Variants in XPO5 observed in about 807,000 individuals in gnomAD.
XPO5 encodes the protein exportin-5.
A neutral mutation model predicts 160.6 loss-of-function variants in XPO5; 46 were observed. The ratio of observed to expected loss-of-function variants is 0.29; its 90% confidence interval spans 0.23 to 0.37. The LOEUF (loss-of-function observed/expected upper bound fraction) is 0.37, where lower values mean the gene tolerates loss of function less well. XPO5 is among the 10% of genes least tolerant of loss of function. XPO5 has a pLI of 1.00. For synonymous variants in XPO5, 537 were observed against 519.3 expected (o/e 1.03, Z -0.46); for missense variants, 1,090 against 1,463.9 (o/e 0.74, Z 4.17).
At chr6:43,532,319 C>A (rs1794036630) in intron 21 of XPO5, among the ~76,000 whole-genome samples, 1 of 152,200 alleles carries the variant, frequency 6.6e-6, no homozygotes, top group African/African-American at 2.4e-5. Flanking sequence ...AAATTAACAT[C>A]CTTCCTTTGG....
At chr6:43,562,035 T>C in intron 9 of XPO5, 1 of 413,128 alleles carries the variant, frequency 2.4e-6, no homozygotes. Flanking sequence ...TATCTGACGT[T>C]GGTATAACTA....
intron 21 of XPO5, among the ~76,000 whole-genome samples, chr6:43,531,943 G>C (rs1794013806): frequency 1.3e-5 from 2 of 152,126 alleles, no homozygotes; most frequent in African/African-American, 4.8e-5. Context: ...AAGATGTGTA[G>C]CAGCTAAAAA....
intron 27 of XPO5, 132 bp from the exon 28 acceptor site, chr6:43,526,053 G>A: frequency 2.2e-6 from 2 of 903,880 alleles, no homozygotes; most frequent in Non-Finnish European, 3.4e-6. Context: ...AGTACTAGGA[G>A]CCCTCCCACC....
chr6:43,549,498 C>G lies in XPO5; in HGVS notation c.1851G>C (p.Gln617His). Residue 617 changes from glutamine to histidine, a missense_variant, in exon 17 of 32, where the codon CAG becomes CAC. Around this residue, in one of 3 missense-constraint regions of XPO5, gnomAD observed 810 missense variants for 1,139.0 expected, o/e 0.71. Coordinates refer to ENST00000265351, the MANE Select transcript of XPO5 (RefSeq NM_020750.3). ...GGGTCCAGCAGCTTACCAGCACAAG[C>G]TGGGGGTAGTCACGACACATCTTGA... ...SIIKMCRDYP[Q>H]LVLPNFDMLY... 6.2e-7 allele frequency: 1 copy of G among 1,611,374 alleles called. No homozygotes were observed. Among genetic ancestry groups the G allele is most frequent in the Middle Eastern group, 1.8e-4 (1 of 5,526 alleles).
intron 10 of XPO5, 72 bp downstream of exon 10, chr6:43,560,852 T>C (rs1192558483): frequency 8.2e-6 from 10 of 1,219,062 alleles, no homozygotes; most frequent in Non-Finnish European, 1.2e-5. Context: ...TCTACAATAA[T>C]ATTTCAGGAC....
chr6:43,557,508 C>A (rs964512511), intron 12 of XPO5, among the ~76,000 whole-genome samples: 6 of 151,960 alleles, frequency 3.9e-5, no homozygotes, highest in African/African-American at 1.5e-4. Context: ...AAGGCAGTCA[C>A]AATAGACCAT....
At position 43,551,351 on chromosome 6, in the gene XPO5, G is replaced by A; in HGVS notation, c.1675C>T (p.Leu559Phe). The change falls in exon 15 of 32, where the codon CTC (leucine) becomes TTC (phenylalanine). Residue 559 changes from leucine (L) to phenylalanine (F), a missense_variant. Leu to Phe is a conservative substitution (Grantham distance 22). Transcript: ENST00000265351. The part of the protein sequence containing the change: ...LSCVLTNVSA[L>F]FPFVTYRPEF... ...GGTCTGTAGGTGACAAATGGAAAGAGTGCAGAGACATTAGTAAGGACGCAG... is the reference window on the plus strand; with the variant it reads ...GGTCTGTAGGTGACAAATGGAAAGAATGCAGAGACATTAGTAAGGACGCAG... 1 of 1,614,010 alleles carries A rather than the reference G, an allele frequency of 6.2e-7. No homozygotes were observed.
intron 8 of XPO5, 122 bp downstream of exon 8, chr6:43,565,538 C>A (rs1762653484): frequency 2.3e-6 from 2 of 873,252 alleles, no homozygotes; most frequent in South Asian, 2.0e-5. Context: ...GCACTCCAGC[C>A]TGGGTGACAG....
chr6:43,557,652 G>T (rs1762168875), intron 12 of XPO5, among the ~76,000 whole-genome samples: 1 of 151,854 alleles, frequency 6.6e-6, no homozygotes, highest in Admixed American at 6.6e-5. Flanking sequence ...TATTTTTGGG[G>T]TGATGAAAAT....
chr6:43,560,003 G>A (rs1762328009), intron 11 of XPO5, among the ~76,000 whole-genome samples, 175 bp downstream of exon 11: 1 of 152,148 alleles, frequency 6.6e-6, no homozygotes. Flanking sequence ...ATTTTTAGTA[G>A]AGACGAGGTT....
chr6:43,562,025 T>C (rs1762443696), intron 9 of XPO5: 1 of 395,290 alleles, frequency 2.5e-6, no homozygotes, highest in Non-Finnish European at 4.5e-6. Context: ...TAGACGTGGA[T>C]ATCTGACGTT....
intron 10 of XPO5, among the ~76,000 whole-genome samples, chr6:43,560,623 A>C (rs189563869): frequency 3.6e-3 from 546 of 152,364 alleles, no homozygotes; most frequent in Non-Finnish European, 5.4e-3. Context: ...TAATACAATT[A>C]ATCAGACTTT....
At chr6:43,544,544 A>G (rs1351120669) in intron 20 of XPO5, among the ~76,000 whole-genome samples, 1 of 152,204 alleles carries the variant, frequency 6.6e-6, no homozygotes, top group African/African-American at 2.4e-5. Context: ...CACAGGCCTA[A>G]AAAGGTCTAG....
At chr6:43,525,276 TTACA>T in intron 28 of XPO5, 62 bp from the exon 29 acceptor site, 2 of 1,468,174 alleles carry the variant, frequency 1.4e-6, no homozygotes, top group Non-Finnish European at 9.2e-7. Context: ...CTGATGATTA[TTACA>T]CATCAGGAGC....
chr6:43,547,861 A>G (rs999062075), intron 18 of XPO5, among the ~76,000 whole-genome samples, 154 bp from the exon 19 acceptor site: 2 of 152,234 alleles, frequency 1.3e-5, no homozygotes, highest in South Asian at 2.1e-4. Context: ...TGTCATTTGA[A>G]GGTTTAAATT....
At chr6:43,546,825 T>G in intron 19 of XPO5, 73 bp from the exon 20 acceptor site, 1 of 1,408,588 alleles carries the variant, frequency 7.1e-7, no homozygotes, top group Non-Finnish European at 9.4e-7. Context: ...GTTAGATATA[T>G]TCAAGGTTCT....
At chr6:43,553,557 G>T in intron 13 of XPO5, 54 bp from the exon 14 acceptor site, 5 of 1,512,608 alleles carry the variant, frequency 3.3e-6, no homozygotes, top group Non-Finnish European at 4.4e-6. Flanking sequence ...ACAATTATCA[G>T]CATTGAAAGA....
Position 43,525,194 on chromosome 6 carries a change from T to G in XPO5, c.3087A>C (p.Leu1029Phe). The part of the protein sequence containing the change: ...MKHEDVCTAL[L>F]ITAFNSLAWK... ...AGGCCAGGGAATTGAAGGCTGTAATTAATAGCGCTGTACAAACATCCTGAA... is the reference window on the plus strand; with the variant it reads ...AGGCCAGGGAATTGAAGGCTGTAATGAATAGCGCTGTACAAACATCCTGAA... The change falls in exon 29 of 32, where the codon TTA becomes TTC. Residue 1029 changes from leucine (L) to phenylalanine (F), a missense_variant. Transcript: ENST00000265351. The G allele has an allele frequency of 6.3e-7, 1 of 1,579,906 alleles. No individual in the cohort carries two copies. Among genetic ancestry groups the G allele is most frequent in the Non-Finnish European group, 8.6e-7 (1 of 1,162,098 alleles).
intron 13 of XPO5, chr6:43,555,065 C>T (rs1761987867): frequency 6.6e-6 from 1 of 151,994 alleles, no homozygotes; most frequent in South Asian, 2.1e-4. Context: ...CCTCAGCCTC[C>T]CAAGTAGCTG....
Sources: allele counts gnomAD v4.1 joint callset (sites outside exome capture counted in the v4.1 genomes callset), GRCh38; gene constraint gnomAD v4.1.1; regional missense constraint gnomAD v4.1.1; transcripts MANE v1.5; gene names NCBI Gene and HGNC (gene_info 2026-07-23, HGNC 2026-07-21).